Variants in FBN2 observed in about 807,000 individuals in gnomAD.
The protein encoded by FBN2 is fibrillin-2.
Under a neutral mutation model 355.6 loss-of-function variants are expected in FBN2, and 105 were observed. That is an observed-to-expected ratio of 0.30 (90% confidence interval 0.25 to 0.35). The LOEUF (loss-of-function observed/expected upper bound fraction) is 0.35, where lower values mean the gene tolerates loss of function less well. Among genes scored for constraint, FBN2 ranks in the 10% least tolerant of loss-of-function variants. FBN2 has a pLI of 1.00. For missense variants in FBN2, 3,280 were observed against 3,758.7 expected, an observed-to-expected ratio of 0.87 and a Z score of 3.33; for synonymous variants, 1,350 against 1,301.2, an observed-to-expected ratio of 1.04 and a Z score of -0.81.
At chr5:128,405,033 T>C (rs989025674) in intron 8 of FBN2, among the ~76,000 whole-genome samples, 1 of 151,850 alleles carries the variant, frequency 6.6e-6, no homozygotes, top group African/African-American at 2.4e-5. Flanking sequence ...TTAGCCAGCG[T>C]AGTGGTGGGT....
intron 62 of FBN2, among the ~76,000 whole-genome samples, chr5:128,265,298 C>T (rs1379357499): frequency 2.6e-5 from 4 of 152,106 alleles, no homozygotes; most frequent in African/African-American, 9.7e-5. Flanking sequence ...TACCATTAGA[C>T]ATTGTGTTAG....
Position 128,345,592 on chromosome 5 carries a change from G to T in FBN2, c.2990-8C>A. On this transcript the variant is annotated splice_region_variant and splice_polypyrimidine_tract_variant and intron_variant, in intron 23 of 64. Transcript: ENST00000262464. ...ACTGCTCCATGCGAATATCTACACC[G>T]AGAACGAAATCACAGGGTGAGAATG... is the stretch of plus-strand genomic sequence containing the variant. 1 of 1,607,708 alleles carries T rather than the reference G, an allele frequency of 6.2e-7. No individual in the cohort carries two copies. The highest frequency in any genetic ancestry group is 8.5e-7 in the Non-Finnish European group (1 of 1,174,250).
chr5:128,500,613 T>G (rs904427397), intron 5 of FBN2, among the ~76,000 whole-genome samples: 2 of 151,622 alleles, frequency 1.3e-5, no homozygotes, highest in African/African-American at 2.4e-5. Flanking sequence ...CCCGGCTAAT[T>G]TTTTGTATTT....
intron 36 of FBN2, among the ~76,000 whole-genome samples, chr5:128,314,326 T>C (rs1162475663): frequency 1.3e-5 from 2 of 152,166 alleles, no homozygotes; most frequent in Admixed American, 1.3e-4. Context: ...TTTATATTTA[T>C]TTGTTTATTT....
At chr5:128,511,739 G>A (rs1228925722) in intron 5 of FBN2, among the ~76,000 whole-genome samples, 1 of 152,116 alleles carries the variant, frequency 6.6e-6, no homozygotes, top group Non-Finnish European at 1.5e-5. Flanking sequence ...AATAAGATGG[G>A]GGTAGGAAGG....
chr5:128,361,769 C>G lies in FBN2; in HGVS notation c.2508G>C (p.Thr836=). ...CRNTPGSYSC[T]CPPGYVFRTE... ...TCCTGAACACATACCCTGGTGGGCA[C>G]GTACAGCTGTAACTTCCTGGCGTGT... Residue 836 remains threonine, a synonymous_variant, in exon 19 of 65, where the codon ACG becomes ACC. Transcript: ENST00000262464. 6.2e-7 allele frequency: 1 copy of G among 1,614,090 alleles called. No homozygotes were observed. The highest frequency in any genetic ancestry group is 8.5e-7 in the Non-Finnish European group (1 of 1,179,976).
At chr5:128,301,881 T>C (rs1749729333) in intron 46 of FBN2, among the ~76,000 whole-genome samples, 1 of 152,200 alleles carries the variant, frequency 6.6e-6, no homozygotes. Context: ...AATTTGCATA[T>C]ACTTTACCTG....
At chr5:128,392,252 A>C in intron 10 of FBN2, 97 bp from the exon 11 acceptor site, 1 of 1,013,526 alleles carries the variant, frequency 9.9e-7, no homozygotes, top group Non-Finnish European at 1.5e-6. Flanking sequence ...AATTAATTAG[A>C]TGTATATCAG....
At chr5:128,475,770 A>G (rs1205201453) in intron 5 of FBN2, among the ~76,000 whole-genome samples, 1 of 152,190 alleles carries the variant, frequency 6.6e-6, no homozygotes, top group East Asian at 1.9e-4. Flanking sequence ...TCTACCTACA[A>G]AGGAGATTAA....
intron 3 of FBN2, among the ~76,000 whole-genome samples, chr5:128,529,502 T>C (rs538906101): frequency 4.1e-4 from 63 of 152,286 alleles, no homozygotes; most frequent in African/African-American, 1.3e-3. Flanking sequence ...AATGGAAGGA[T>C]TGCCCAAGGC....
chr5:128,486,030 G>A (rs1755328020), intron 5 of FBN2, among the ~76,000 whole-genome samples: 1 of 152,064 alleles, frequency 6.6e-6, no homozygotes, highest in Non-Finnish European at 1.5e-5. Context: ...GGATTTATTT[G>A]GAGGCATTTC....
intron 16 of FBN2, among the ~76,000 whole-genome samples, chr5:128,368,435 C>CATATAT (rs1163347083): frequency 1.2e-4 from 17 of 136,954 alleles, no homozygotes; most frequent in East Asian, 2.1e-4. Flanking sequence ...TATATATATA[C>CATATAT]ACATATATAC....
chr5:128,399,764 A>G (rs1752747631), intron 8 of FBN2, among the ~76,000 whole-genome samples: 1 of 152,134 alleles, frequency 6.6e-6, no homozygotes, highest in African/African-American at 2.4e-5. Context: ...TTAAATATGC[A>G]TCTTAAAACA....
chr5:128,484,388 T>C (rs751975202), intron 5 of FBN2, among the ~76,000 whole-genome samples: 1 of 152,212 alleles, frequency 6.6e-6, no homozygotes. Flanking sequence ...TAAGAGCAGA[T>C]AGCTGAATCA....
chr5:128,453,072 C>T (rs1436666919), intron 6 of FBN2, among the ~76,000 whole-genome samples: 3 of 152,024 alleles, frequency 2.0e-5, no homozygotes, highest in Non-Finnish European at 2.9e-5. Context: ...ATGGGGTGTC[C>T]TAGCAATCAT....
At chr5:128,390,538 C>A (rs1290056709) in intron 11 of FBN2, among the ~76,000 whole-genome samples, 1 of 152,098 alleles carries the variant, frequency 6.6e-6, no homozygotes, top group Non-Finnish European at 1.5e-5. Context: ...ATTGGTGAAG[C>A]CACAAAATTA....
At chr5:128,413,499 G>GT (rs1271056571) in intron 7 of FBN2, among the ~76,000 whole-genome samples, 1 of 152,072 alleles carries the variant, frequency 6.6e-6, no homozygotes, top group Non-Finnish European at 1.5e-5. Context: ...CTGAACACAG[G>GT]TTTTTTAAAA....
At chr5:128,346,270 C>A (rs1743223960) in intron 23 of FBN2, among the ~76,000 whole-genome samples, 1 of 152,062 alleles carries the variant, frequency 6.6e-6, no homozygotes, top group Admixed American at 6.6e-5. Context: ...ATAGAGTAGA[C>A]CAGAATGGTC....
At chr5:128,536,373 C>T (rs749764013) in intron 2 of FBN2, 29 bp downstream of exon 2, 5 of 1,591,172 alleles carry the variant, frequency 3.1e-6, no homozygotes, top group Non-Finnish European at 4.3e-6. Flanking sequence ...GTGCGCTGCC[C>T]CAAGCTGCGA....
Sources: gnomAD v4.1 joint callset for allele counts (sites outside exome capture counted in the v4.1 genomes callset) on GRCh38, gnomAD v4.1.1 for gene constraint, MANE v1.5 for transcripts, NCBI Gene and HGNC (gene_info 2026-07-23, HGNC 2026-07-21) for gene names.